Variants in DOCK9 observed in about 807,000 individuals in gnomAD.
The protein encoded by DOCK9 is dedicator of cytokinesis 9.
In DOCK9, 89 loss-of-function variants were observed where a neutral mutation model predicts 263.3. The ratio of observed to expected loss-of-function variants is 0.34; its 90% CI spans 0.28 to 0.40. The LOEUF (loss-of-function observed/expected upper bound fraction) is 0.40, where lower values mean the gene tolerates loss of function less well. DOCK9 is among the 10% of genes least tolerant of loss of function. DOCK9 has a pLI of 1.00. For synonymous variants in DOCK9, 976 were observed against 973.1 expected, an observed-to-expected ratio of 1.00 and a Z score of -0.06; for missense variants, 2,140 against 2,603.4, an observed-to-expected ratio of 0.82 and a Z score of 3.87.
chr13:99,014,975 A>G (rs1384868806), intron 1 of DOCK9, among the ~76,000 whole-genome samples: 2 of 152,154 alleles, frequency 1.3e-5, no homozygotes, highest in Non-Finnish European at 2.9e-5. Flanking sequence ...TACCCATCAT[A>G]GTTTTCTTTC....
chr13:98,879,148 C>G (rs2044333231), intron 27 of DOCK9, among the ~76,000 whole-genome samples: 1 of 152,198 alleles, frequency 6.6e-6, no homozygotes, highest in Non-Finnish European at 1.5e-5. Flanking sequence ...TACATTGGAA[C>G]TTTATAGAAA....
At chr13:98,995,098 T>C (rs567108531) in intron 1 of DOCK9, among the ~76,000 whole-genome samples, 4 of 152,330 alleles carry the variant, frequency 2.6e-5, no homozygotes, top group East Asian at 1.9e-4. Flanking sequence ...ATCTGCTAGA[T>C]AGACACATGT....
At chr13:98,935,238 G>C (rs2054621539) in intron 2 of DOCK9, among the ~76,000 whole-genome samples, 1 of 152,040 alleles carries the variant, frequency 6.6e-6, no homozygotes, top group African/African-American at 2.4e-5. Flanking sequence ...GAAGTTCAAA[G>C]CACAAAATTA....
At position 98,960,309 on chromosome 13, in the gene DOCK9, T is replaced by C. The variant is rs151261723; in HGVS notation, c.127-4758A>G. 2.5e-3 allele frequency among the ~76,000 whole-genome samples: 387 copies of C among 152,288 alleles called. 2 individuals carry two copies. Among genetic ancestry groups the C allele is most frequent in the African/African-American group, 9.0e-3 (373 of 41,552 alleles). ...AACCCTGAGAATTCATGAGTTTGAA[T>C]TGTGAATATTTCAGGATACTATTTT... On this transcript the variant is annotated intron_variant, in intron 1 of 52. Coordinates refer to ENST00000682017, the MANE Select transcript of DOCK9 (RefSeq NM_001366683.2).
At chr13:98,904,562 C>G (rs1595163263) in intron 10 of DOCK9, 70 bp downstream of exon 10, 1 of 1,160,488 alleles carries the variant, frequency 8.6e-7, no homozygotes, top group African/African-American at 1.6e-5. Flanking sequence ...AACAAATAAA[C>G]AAATAAGCCC....
At chr13:99,028,048 A>T (rs1462789792) in intron 1 of DOCK9, among the ~76,000 whole-genome samples, 1 of 152,214 alleles carries the variant, frequency 6.6e-6, no homozygotes, top group African/African-American at 2.4e-5. Flanking sequence ...TCAATAGAAG[A>T]AGTAGGAGTG....
intron 1 of DOCK9, among the ~76,000 whole-genome samples, chr13:98,986,251 A>G (rs1035824699): frequency 6.6e-6 from 1 of 152,242 alleles, no homozygotes; most frequent in Non-Finnish European, 1.5e-5. Context: ...AGTGCTTACA[A>G]GGTGCAAAGC....
At chr13:98,872,694 T>C (rs76855125) in intron 27 of DOCK9, among the ~76,000 whole-genome samples, 2,507 of 152,272 alleles carry the variant, frequency 0.016, 48 homozygotes, top group South Asian at 0.069. Context: ...ATGTGAACCA[T>C]TGCGCCCAGC....
chr13:98,843,798 C>G (rs950466256), intron 38 of DOCK9, among the ~76,000 whole-genome samples: 2 of 152,190 alleles, frequency 1.3e-5, no homozygotes, highest in African/African-American at 4.8e-5. Context: ...CCAGCTGTCT[C>G]TCTCCTCCAA....
intron 45 of DOCK9, among the ~76,000 whole-genome samples, chr13:98,821,005 T>C (rs55681916): frequency 0.035 from 5,311 of 152,296 alleles, 298 homozygotes; most frequent in African/African-American, 0.12. Flanking sequence ...GTAAAATCTT[T>C]TGATGCTCTG....
chr13:98,925,881 G>T lies in DOCK9; in HGVS notation c.372C>A (p.Asn124Lys), dbSNP rs1292310460. The change falls in exon 4 of 53, where the codon AAC becomes AAA. Residue 124 changes from asparagine (N) to lysine (K), a missense_variant. Around this residue, in one of 2 missense-constraint regions of DOCK9, gnomAD observed 1,521 missense variants for 1,741.7 expected, o/e 0.87. Transcript: ENST00000682017. ...KTYNSDWHLV[N>K]YKYEDYSGEF... ...CTCCTGAGTAATCTTCATATTTATA[G>T]TTCACAAGATGCCAGTCAGAGTTAT... 3 of 1,586,952 alleles carry T rather than the reference G, an allele frequency of 1.9e-6. No individual in the cohort carries two copies. The highest frequency in any genetic ancestry group is 4.5e-5 in the East Asian group (2 of 44,266).
intron 45 of DOCK9, among the ~76,000 whole-genome samples, chr13:98,821,305 G>A (rs1005027967): frequency 4.6e-5 from 7 of 152,060 alleles, no homozygotes; most frequent in African/African-American, 1.4e-4. Context: ...TCCTCCCTGC[G>A]TGGGTGCCCT....
intron 38 of DOCK9, among the ~76,000 whole-genome samples, chr13:98,838,523 G>A (rs2093093819): frequency 6.6e-6 from 1 of 152,156 alleles, no homozygotes; most frequent in South Asian, 2.1e-4. Context: ...AAAAGAAAAG[G>A]ACTTGAAGAA....
At chr13:98,922,554 C>T (rs36102839) in intron 5 of DOCK9, among the ~76,000 whole-genome samples, 25,653 of 152,124 alleles carry the variant, frequency 0.17, 3,024 homozygotes, top group East Asian at 0.43. Flanking sequence ...TGGAAACCTT[C>T]CCAGAGGCTT....
intron 25 of DOCK9, 137 bp downstream of exon 25, chr13:98,881,421 T>A: frequency 1.5e-6 from 1 of 652,866 alleles, no homozygotes; most frequent in Non-Finnish European, 2.6e-6. Flanking sequence ...GGTACAAGCA[T>A]TGGCTATGAG....
At chr13:98,871,073 G>T (rs919789670) in intron 27 of DOCK9, among the ~76,000 whole-genome samples, 1 of 152,182 alleles carries the variant, frequency 6.6e-6, no homozygotes, top group African/African-American at 2.4e-5. Flanking sequence ...TATAGACTGG[G>T]TGTTAGATGA....
At chr13:98,824,654 CT>C in intron 44 of DOCK9, 150 bp from the exon 45 acceptor site, 1 of 648,024 alleles carries the variant, frequency 1.5e-6, no homozygotes, top group East Asian at 2.8e-5. Context: ...ACGGGGGTAC[CT>C]GGGGCTACTG....
chr13:98,887,869 T>TA (rs1206221143), intron 18 of DOCK9, among the ~76,000 whole-genome samples: 1 of 152,134 alleles, frequency 6.6e-6, no homozygotes, highest in Non-Finnish European at 1.5e-5. Context: ...GCACCCACAG[T>TA]ATGAGCACTT....
intron 1 of DOCK9, among the ~76,000 whole-genome samples, chr13:99,013,432 G>C (rs1884861230): frequency 6.6e-6 from 1 of 152,194 alleles, no homozygotes; most frequent in African/African-American, 2.4e-5. Context: ...TCTTGTTCTT[G>C]TTGTACTATA....
Sources: gnomAD v4.1 joint callset for allele counts (sites outside exome capture counted in the v4.1 genomes callset) on GRCh38, gnomAD v4.1.1 for gene constraint, gnomAD v4.1.1 regional missense constraint, MANE v1.5 for transcripts, NCBI Gene and HGNC (gene_info 2026-07-23, HGNC 2026-07-21) for gene names.